SLC9A5: variants seen among roughly 807,000 people sequenced by gnomAD.
SLC9A5 encodes the protein solute carrier family 9 member A5, also known as sodium/hydrogen exchanger 5.
A neutral mutation model predicts 91.7 loss-of-function variants in SLC9A5; 52 were observed. The observed-to-expected ratio is 0.57, with a 90% CI of 0.45 to 0.71. SLC9A5 has a LOEUF of 0.71. Among genes scored for constraint, SLC9A5 ranks in the 30% least tolerant of loss-of-function variants. The pLI is 0.00. For synonymous variants in SLC9A5, 419 were observed against 474.5 expected (o/e 0.88, Z 1.52); for missense variants, 871 against 1,158.9 (o/e 0.75, Z 3.61).
chr16:67,258,462 T>C lies in SLC9A5; in HGVS notation c.1626+15T>C. 6.2e-7 allele frequency: 1 copy of C among 1,613,906 alleles called. No homozygotes were observed. Among genetic ancestry groups the C allele is most frequent in the Non-Finnish European group, 8.5e-7 (1 of 1,179,926 alleles). On this transcript the variant is annotated intron_variant, in intron 10 of 15. Coordinates refer to ENST00000299798, the MANE Select transcript of SLC9A5 (RefSeq NM_004594.3). The surrounding 1 kb of genome is among the most constrained non-coding windows in gnomAD (Gnocchi z 4.5). The stretch of plus-strand genomic sequence containing the variant: ...TTGTGGACCAGGTGGGCCAGCAGCT[T>C]CCAGGTGGGCCAGTGGTGGGTGGGC...
At chr16:67,260,354 C>CAAAAACAAAAAAAAAAAAAAAAAA (rs2035488661) in intron 12 of SLC9A5, among the ~76,000 whole-genome samples, 1 of 33,468 alleles carries the variant, frequency 3.0e-5, no homozygotes, top group Non-Finnish European at 5.2e-5. Flanking sequence ...GACTCCATCT[C>CAAAAACAAAAAAAAAAAAAAAAAA]AAAAAAAAAA....
intron 13 of SLC9A5, 50 bp from the exon 14 acceptor site, chr16:67,264,989 TG>T (rs778013523): frequency 1.4e-5 from 22 of 1,585,570 alleles, no homozygotes; most frequent in Non-Finnish European, 1.8e-5. Context: ...ATGACAGGGT[TG>T]GGGTGGGAAG....
At chr16:67,267,078 G>A (rs1223138145) in intron 15 of SLC9A5, among the ~76,000 whole-genome samples, 1 of 93,610 alleles carries the variant, frequency 1.1e-5, no homozygotes, top group Admixed American at 1.1e-4. Context: ...ACACCCAGCT[G>A]TTGTTTTTTT....
Position 67,255,695 on chromosome 16 carries a change from T to C in SLC9A5, c.734-58T>C. The C allele has an allele frequency of 6.6e-7, 1 of 1,504,544 alleles. No individual in the cohort carries two copies. 93.2% of individuals were successfully genotyped at this position (1,504,544 alleles called of 1,614,324 possible). A position where few individuals can be genotyped will look rare whatever the true frequency, so the allele number is the denominator to read the frequency against. ...CTCACTCCCTGCCAGGCAGCAGTCTTGTCAGCCCGGGTAGGGTCCGGGCCA... is the reference window on the plus strand; with the variant it reads ...CTCACTCCCTGCCAGGCAGCAGTCTCGTCAGCCCGGGTAGGGTCCGGGCCA... On this transcript the variant is annotated intron_variant, in intron 4 of 15. Transcript: ENST00000299798. The surrounding 1 kb of genome is among the most constrained non-coding windows in gnomAD (Gnocchi z 4.9).
intron 1 of SLC9A5, 95 bp downstream of exon 1, chr16:67,249,296 T>C (rs2035020085): frequency 1.9e-6 from 2 of 1,048,958 alleles, no homozygotes; most frequent in Non-Finnish European, 2.5e-6. Context: ...GGCTGGCTTC[T>C]TGCACGGTGC....
intron 12 of SLC9A5, chr16:67,262,727 C>A (rs1362362700): frequency 3.3e-5 from 6 of 180,004 alleles, no homozygotes; most frequent in East Asian, 1.4e-4. Flanking sequence ...AAGGATAACA[C>A]TGAGGAGTGC....
chr16:67,254,478 C>G (rs2035238165), intron 2 of SLC9A5, among the ~76,000 whole-genome samples: 1 of 152,202 alleles, frequency 6.6e-6, no homozygotes, highest in Non-Finnish European at 1.5e-5. Flanking sequence ...CTCACTGCGG[C>G]CTCCGCCTCC....
In SLC9A5 at chr16:67,264,401, G is replaced by A. The variant is rs200168021; in HGVS notation, c.1892G>A (p.Arg631Gln). ...RHFISEDAQERQDKEVFQQNM... is the reference protein window; with the variant it reads ...RHFISEDAQEQQDKEVFQQNM... ...TTCATCTCAGAGGATGCGCAGGAGC[G>A]GCAGGACAAGGAGGTCTTCCAGCAG... is the stretch of plus-strand genomic sequence containing the variant. The change falls in exon 13 of 16, where the codon CGG becomes CAG. Residue 631 changes from arginine to glutamine, a missense_variant. Transcript: ENST00000299798. The A allele has an allele frequency of 5.5e-5, 89 of 1,614,080 alleles. No individual in the cohort carries two copies. Among genetic ancestry groups the A allele is most frequent in the African/African-American group, 1.1e-4 (8 of 75,030 alleles).
rs750814291 is a variant in SLC9A5 at position 67,255,212 on chromosome 16, C to T, written c.654+28C>T. ...GAGCGTGCTCAGCTGACTGCCATTC[C>T]CTGACCCCAGGCTGCATGCTCTGAC... On this transcript the variant is annotated intron_variant, in intron 3 of 15. Transcript: ENST00000299798. This position sits in a 1 kb window ranked among gnomAD's most constrained non-coding sequence, Gnocchi z 4.9. 6.2e-7 allele frequency: 1 copy of T among 1,606,096 alleles called. No individual in the cohort carries two copies. The highest frequency in any genetic ancestry group is 8.5e-7 in the Non-Finnish European group (1 of 1,174,752).
intron 1 of SLC9A5, 39 bp downstream of exon 1, chr16:67,249,240 G>A (rs1233687476): frequency 5.9e-6 from 8 of 1,357,132 alleles, no homozygotes; most frequent in Non-Finnish European, 6.6e-6. Flanking sequence ...GACCGCCAGC[G>A]GCGGACCCGC....
chr16:67,268,658 T>TTTTATA lies in SLC9A5; in HGVS notation c.2219-2079_2219-2078insTTATAT, dbSNP rs1309246335. ...TCAAACATCGTTCAAATTTCCCTGA[T>TTTTATA]TATATATATATATATATATATATAT... On this transcript the variant is annotated intron_variant, in intron 15 of 15. Transcript: ENST00000299798. Among the ~76,000 whole-genome samples, 123 of 42,314 alleles carry TTTTATA rather than the reference T, an allele frequency of 2.9e-3. 2 individuals carry two copies. The highest frequency in any genetic ancestry group is 5.1e-3 in the African/African-American group (58 of 11,388). The allele number at this position is 42,314 out of a possible 152,430, so 27.8% of individuals were successfully genotyped here. A position where few individuals can be genotyped will look rare whatever the true frequency, so the allele number is the denominator to read the frequency against.
At position 67,258,697 on chromosome 16, in the gene SLC9A5, G is replaced by C. The variant is rs1346881550; in HGVS notation, c.1626+250G>C. On this transcript the variant is annotated intron_variant, in intron 10 of 15. Coordinates refer to ENST00000299798, the MANE Select transcript of SLC9A5 (RefSeq NM_004594.3). This position sits in a 1 kb window ranked among gnomAD's most constrained non-coding sequence, Gnocchi z 4.5. ...TCAGCTCAACCATTATCACTTCCAA[G>C]CTTGTGACCTTGGGTAAGCACACTC... Among the ~76,000 whole-genome samples, 1 of 152,206 alleles carries C rather than the reference G, an allele frequency of 6.6e-6. No individual in the cohort carries two copies. The highest frequency in any genetic ancestry group is 1.5e-5 in the Non-Finnish European group (1 of 68,038).
In SLC9A5 at chr16:67,264,409, A is replaced by T. The variant is rs777476527; in HGVS notation, c.1900A>T (p.Lys634Ter). 14 of 1,614,012 alleles carry T rather than the reference A, an allele frequency of 8.7e-6. No individual in the cohort carries two copies. The Admixed American group carries it at 2.3e-4, about 27-fold the overall frequency. ...AGAGGATGCGCAGGAGCGGCAGGAC[A>T]AGGAGGTCTTCCAGCAGAACATGAA... ...ISEDAQERQDKEVFQQNMKRR... is the reference protein window; with the variant it reads ...ISEDAQERQD Residue 634 changes from lysine (K) to a stop codon, truncating the protein, a stop_gained, in exon 13 of 16, where the codon AAG becomes TAG. Coordinates refer to ENST00000299798, the MANE Select transcript of SLC9A5 (RefSeq NM_004594.3). LOFTEE classifies it high-confidence loss of function.
intron 12 of SLC9A5, among the ~76,000 whole-genome samples, chr16:67,260,677 G>A (rs915810027): frequency 1.3e-5 from 2 of 152,212 alleles, no homozygotes. Flanking sequence ...ACTGGAGAAT[G>A]ATGGAGTCAC....
Position 67,264,315 on chromosome 16 carries a change from A to C in SLC9A5, c.1843-37A>C. 4 of 1,600,174 alleles carry C rather than the reference A, an allele frequency of 2.5e-6. No homozygotes were observed. The South Asian group carries it at 3.3e-5, about 13-fold the overall frequency. On this transcript the variant is annotated intron_variant, in intron 12 of 15. Coordinates refer to ENST00000299798, the MANE Select transcript of SLC9A5 (RefSeq NM_004594.3). ...TGGGGTTCTTGTGGGAGGCCAAGGC[A>C]TCCATCCTCATAGCCAGGCGGGGCT...
rs1567408227 is a variant in SLC9A5 at position 67,255,134 on chromosome 16, CTCTT to C, written c.606_609del (p.Phe203SerfsTer38). ...TGAGGAGGTGCACGTCAATGAGACT[CTCTT>C]TATCATCGTCTTTGGCGAGTCCCTG... is the stretch of plus-strand genomic sequence containing the variant. On this transcript the variant is annotated frameshift_variant, in exon 3 of 16. Transcript: ENST00000299798. LOFTEE classifies it high-confidence loss of function. This position sits in a 1 kb window ranked among gnomAD's most constrained non-coding sequence, Gnocchi z 4.9. The C allele has an allele frequency of 1.9e-6, 3 of 1,614,114 alleles. No homozygotes were observed. Among genetic ancestry groups the C allele is most frequent in the East Asian group, 2.2e-5 (1 of 44,872 alleles).
intron 15 of SLC9A5, among the ~76,000 whole-genome samples, chr16:67,269,822 G>C (rs1041315034): frequency 6.6e-6 from 1 of 152,144 alleles, no homozygotes; most frequent in Non-Finnish European, 1.5e-5. Context: ...CAGAACCTCA[G>C]ATTTCCTGTA....
rs1283537987 is a variant in SLC9A5, at chr16:67,262,296, T to C, written c.1843-2056T>C. 3 of 457,026 alleles carry C rather than the reference T, an allele frequency of 6.6e-6. No individual in the cohort carries two copies. In the East Asian group the frequency reaches 2.1e-4, roughly 32 times the overall value. 28.3% of individuals were successfully genotyped at this position (457,026 alleles called of 1,614,324 possible). A position where few individuals can be genotyped will look rare whatever the true frequency, so the allele number is the denominator to read the frequency against. On this transcript the variant is annotated intron_variant, in intron 12 of 15. Transcript: ENST00000299798. ...TGGATCAAGCATTTTTGGGGTATGG[T>C]AACTCAACCAGTTCTGAATCCACTT...
At position 67,258,857 on chromosome 16, in the gene SLC9A5, C is replaced by G. The variant is rs896927147; in HGVS notation, c.1626+410C>G. 4.0e-5 allele frequency among the ~76,000 whole-genome samples: 6 copies of G among 151,608 alleles called. No homozygotes were observed. Among genetic ancestry groups the G allele is most frequent in the African/African-American group, 7.3e-5 (3 of 41,212 alleles). ...GGTGAGGAGTTTGAGACCAGCCTGG[C>G]CAACATGGTGAAACCCTGTCTCTAC... On this transcript the variant is annotated intron_variant, in intron 10 of 15. Transcript: ENST00000299798. The surrounding 1 kb of genome is among the most constrained non-coding windows in gnomAD (Gnocchi z 4.5).
Sources: gnomAD v4.1 joint callset for allele counts (sites outside exome capture counted in the v4.1 genomes callset) on GRCh38, gnomAD v4.1.1 for gene constraint, Gnocchi (gnomAD v3.1) non-coding constraint, MANE v1.5 for transcripts, NCBI Gene and HGNC (gene_info 2026-07-23, HGNC 2026-07-21) for gene names.